Variants in VTI1A observed in about 807,000 individuals in gnomAD.
The protein encoded by VTI1A is vesicle transport through interaction with t-SNAREs 1A, also known as vesicle transport through interaction with t-SNAREs homolog 1A.
A neutral mutation model predicts 34.9 loss-of-function variants in VTI1A; 22 were observed. The ratio of observed to expected loss-of-function variants is 0.63; its 90% confidence interval spans 0.45 to 0.90. The LOEUF (loss-of-function observed/expected upper bound fraction) is 0.90. Among genes scored for constraint, VTI1A ranks in the 40% least tolerant of loss-of-function variants. VTI1A has a pLI of 0.00. For synonymous variants in VTI1A, 87 were observed against 97.3 expected, an observed-to-expected ratio of 0.89 and a Z score of 0.62; for missense variants, 268 against 275.6, an observed-to-expected ratio of 0.97 and a Z score of 0.20.
chr10:112,652,614 CT>C (rs1335158763), intron 5 of VTI1A, among the ~76,000 whole-genome samples: 1 of 151,542 alleles, frequency 6.6e-6, no homozygotes, highest in Non-Finnish European at 1.5e-5. Flanking sequence ...GTGGTCCCAG[CT>C]ACTGAGGAGG....
At chr10:112,456,625 G>A (rs929188221) in intron 1 of VTI1A, among the ~76,000 whole-genome samples, 5 of 152,052 alleles carry the variant, frequency 3.3e-5, no homozygotes, top group Admixed American at 6.5e-5. Context: ...GGATGCAGTG[G>A]GCATCTGTTG....
intron 3 of VTI1A, among the ~76,000 whole-genome samples, chr10:112,526,097 A>G (rs1045566956): frequency 6.6e-6 from 1 of 152,216 alleles, no homozygotes; most frequent in Non-Finnish European, 1.5e-5. Flanking sequence ...AGGAAAGACA[A>G]CAAAGTAACT....
At chr10:112,641,080 T>C (rs1846551697) in intron 5 of VTI1A, among the ~76,000 whole-genome samples, 1 of 151,416 alleles carries the variant, frequency 6.6e-6, no homozygotes, top group African/African-American at 2.4e-5. Flanking sequence ...TTTTTTTTCT[T>C]TCAAGGTGAT....
At chr10:112,755,253 CAAA>C (rs770061342) in intron 7 of VTI1A, among the ~76,000 whole-genome samples, 12 of 136,220 alleles carry the variant, frequency 8.8e-5, no homozygotes, top group African/African-American at 2.6e-4. Context: ...GAGACTGTCT[CAAA>C]AAAAAAAGAA....
At chr10:112,612,626 G>A (rs1224493374) in intron 5 of VTI1A, among the ~76,000 whole-genome samples, 1 of 152,080 alleles carries the variant, frequency 6.6e-6, no homozygotes, top group Non-Finnish European at 1.5e-5. Context: ...GTCTCATTGT[G>A]TTGCCCAGGT....
At chr10:112,704,731 A>C (rs1849132670) in intron 7 of VTI1A, among the ~76,000 whole-genome samples, 1 of 152,216 alleles carries the variant, frequency 6.6e-6, no homozygotes, top group Admixed American at 6.5e-5. Flanking sequence ...ATGGTGTTAA[A>C]ATTTGATCAG....
intron 5 of VTI1A, among the ~76,000 whole-genome samples, chr10:112,601,977 CT>C (rs1844896857): frequency 6.6e-6 from 1 of 152,072 alleles, no homozygotes; most frequent in Admixed American, 6.6e-5. Flanking sequence ...AAACATGTGG[CT>C]GGAGTATGAG....
At chr10:112,840,202 C>A in the VTI1A span, among the ~76,000 whole-genome samples, 2 of 152,196 alleles carry the variant, frequency 1.3e-5, no homozygotes, top group Non-Finnish European at 1.5e-5. Context: ...TAACCCCTGC[C>A]ACAATCTACC....
At chr10:112,643,155 T>G (rs1846645797) in intron 5 of VTI1A, among the ~76,000 whole-genome samples, 1 of 96,556 alleles carries the variant, frequency 1.0e-5, no homozygotes, top group Non-Finnish European at 2.6e-5. Flanking sequence ...TGGCTAATTT[T>G]TTTTTTTTCT....
At chr10:112,483,047 G>C (rs1197149172) in intron 3 of VTI1A, among the ~76,000 whole-genome samples, 1 of 152,088 alleles carries the variant, frequency 6.6e-6, no homozygotes, top group African/African-American at 2.4e-5. Flanking sequence ...CTAAGAGATG[G>C]GGAGGAAAAA....
intron 7 of VTI1A, among the ~76,000 whole-genome samples, chr10:112,729,609 A>T (rs1194823378): frequency 6.6e-6 from 1 of 152,190 alleles, no homozygotes; most frequent in Non-Finnish European, 1.5e-5. Context: ...CGAAATATAC[A>T]ACAGAAGTAA....
At chr10:112,581,526 T>C (rs1843935443) in intron 5 of VTI1A, among the ~76,000 whole-genome samples, 1 of 152,232 alleles carries the variant, frequency 6.6e-6, no homozygotes, top group African/African-American at 2.4e-5. Flanking sequence ...CCTTGTGGGT[T>C]TGGTAGACAA....
chr10:112,639,696 T>TA (rs1846494343), intron 5 of VTI1A, among the ~76,000 whole-genome samples: 2 of 152,212 alleles, frequency 1.3e-5, no homozygotes, highest in South Asian at 4.1e-4. Flanking sequence ...GAAACTAACT[T>TA]ACATTGAAAA....
At chr10:112,710,103 G>A (rs1849357178) in intron 7 of VTI1A, among the ~76,000 whole-genome samples, 3 of 150,312 alleles carry the variant, frequency 2.0e-5, no homozygotes, top group Non-Finnish European at 4.4e-5. Context: ...GAATCTGAAA[G>A]CACTCAGCAC....
intron 5 of VTI1A, among the ~76,000 whole-genome samples, chr10:112,623,452 T>TG (rs1036472929): frequency 7.6e-5 from 10 of 132,236 alleles, no homozygotes; most frequent in African/African-American, 2.8e-4. Context: ...TTTTTTTTTT[T>TG]GCCAGAACTC....
At chr10:112,626,285 G>A (rs1246170095) in intron 5 of VTI1A, among the ~76,000 whole-genome samples, 1 of 151,986 alleles carries the variant, frequency 6.6e-6, no homozygotes, top group Non-Finnish European at 1.5e-5. Flanking sequence ...GAATTTTGGG[G>A]CAACTGCTCA....
At chr10:112,453,130 TC>T (rs1847302548) in intron 1 of VTI1A, among the ~76,000 whole-genome samples, 1 of 152,220 alleles carries the variant, frequency 6.6e-6, no homozygotes, top group African/African-American at 2.4e-5. Context: ...TCTAGAAGGT[TC>T]CCTCAACTGG....
chr10:112,623,960 G>A (rs909343998), intron 5 of VTI1A, among the ~76,000 whole-genome samples: 4 of 152,218 alleles, frequency 2.6e-5, no homozygotes, highest in African/African-American at 9.7e-5. Context: ...TGTAGCAGCA[G>A]ATCTATTTGC....
At chr10:112,532,612 C>T (rs908333057) in intron 4 of VTI1A, among the ~76,000 whole-genome samples, 1 of 151,996 alleles carries the variant, frequency 6.6e-6, no homozygotes, top group Admixed American at 6.5e-5. Flanking sequence ...CTTGTTTTAT[C>T]TGTTATATTT....
Sources: allele counts gnomAD v4.1 joint callset (sites outside exome capture counted in the v4.1 genomes callset), GRCh38; gene constraint gnomAD v4.1.1; transcripts MANE v1.5; gene names NCBI Gene and HGNC (gene_info 2026-07-23, HGNC 2026-07-21).